Variants in SPDYE14 observed in about 807,000 individuals in gnomAD.
The protein encoded by SPDYE14 is speedy protein E14.
At chr7:75,258,353 GT>G in the SPDYE14 span, among the ~76,000 whole-genome samples, 1 of 59,588 alleles carries the variant, frequency 1.7e-5, no homozygotes, top group Non-Finnish European at 4.0e-5. Flanking sequence ...GTGTCCAAGT[GT>G]TTTCATTGTT....
chr7:75,237,827 C>T, the SPDYE14 span: 1 of 108,880 alleles, frequency 9.2e-6, no homozygotes, highest in Non-Finnish European at 2.2e-5. Flanking sequence ...GCTGTTGCTG[C>T]CGCGGGGGCT....
At chr7:75,268,872 A>G in the SPDYE14 span, among the ~76,000 whole-genome samples, 1 of 24,594 alleles carries the variant, frequency 4.1e-5, no homozygotes, top group African/African-American at 8.8e-5. Flanking sequence ...AGAGAGAGAG[A>G]GAGAGAGAGA....
chr7:75,258,315 G>C, the SPDYE14 span, among the ~76,000 whole-genome samples: 1 of 60,430 alleles, frequency 1.7e-5, no homozygotes, highest in African/African-American at 4.4e-5. Flanking sequence ...CCGCACAACA[G>C]GCCCTGGTGT....
the SPDYE14 span, among the ~76,000 whole-genome samples, chr7:75,247,505 G>A: frequency 8.4e-6 from 1 of 119,056 alleles, no homozygotes. Flanking sequence ...AAGAAAGAAA[G>A]AGGAAAGAAA....
At chr7:75,256,818 GAA>G in the SPDYE14 span, among the ~76,000 whole-genome samples, 23 of 11,834 alleles carry the variant, frequency 1.9e-3, 4 homozygotes, top group African/African-American at 4.3e-3. Context: ...CTATCTCAAA[GAA>G]AAAAAAAAAA....
the SPDYE14 span, among the ~76,000 whole-genome samples, chr7:75,268,845 CAGAGAGAG>C: frequency 4.6e-3 from 44 of 9,610 alleles, 9 homozygotes; most frequent in Non-Finnish European, 8.1e-3. Flanking sequence ...GCACTCCAGC[CAGAGAGAG>C]AGAGAGAGAG....
the SPDYE14 span, among the ~76,000 whole-genome samples, chr7:75,239,309 T>C: frequency 1.2e-4 from 3 of 24,160 alleles, 1 homozygote; most frequent in Non-Finnish European, 2.8e-4. Context: ...TTTTTTTTTT[T>C]TTTTTTTTTT....
At chr7:75,278,464 C>T in the SPDYE14 span, among the ~76,000 whole-genome samples, 13 of 23,742 alleles carry the variant, frequency 5.5e-4, 5 homozygotes, top group Admixed American at 5.9e-3. Flanking sequence ...GCCTGTAATC[C>T]CAGCTACTCG....
chr7:75,272,885 C>CA, the SPDYE14 span, among the ~76,000 whole-genome samples: 9,892 of 24,096 alleles, frequency 0.41, 3,632 homozygotes, highest in Middle Eastern at 0.72. Context: ...AACTGTGTCT[C>CA]AAAAAAAAAA....
the SPDYE14 span, among the ~76,000 whole-genome samples, chr7:75,254,253 G>A: frequency 2.2e-5 from 1 of 45,116 alleles, no homozygotes; most frequent in African/African-American, 5.6e-5. Context: ...ACACAAATTA[G>A]GCCCATGGTC....
the SPDYE14 span, among the ~76,000 whole-genome samples, chr7:75,268,879 G>A: frequency 7.6e-5 from 2 of 26,270 alleles, no homozygotes; most frequent in African/African-American, 1.6e-4. Flanking sequence ...GAGAGAGAGA[G>A]AGAGAGAGAG....
the SPDYE14 span, among the ~76,000 whole-genome samples, chr7:75,245,428 G>GAAA: frequency 8.9e-5 from 6 of 67,756 alleles, no homozygotes; most frequent in Non-Finnish European, 1.5e-4. Context: ...ATGTCTCAAA[G>GAAA]AAAAAAAAAA....
the SPDYE14 span, among the ~76,000 whole-genome samples, chr7:75,268,867 GA>G: frequency 4.3e-5 from 1 of 23,206 alleles, no homozygotes; most frequent in Non-Finnish European, 1.3e-4. Context: ...GAGAGAGAGA[GA>G]GAGAGAGAGA....
the SPDYE14 span, among the ~76,000 whole-genome samples, chr7:75,249,578 T>TTTCC: frequency 0.011 from 653 of 60,290 alleles, 31 homozygotes; most frequent in African/African-American, 0.018. Flanking sequence ...TCCTTCCTTC[T>TTTCC]TTCCTTCCTT....
chr7:75,273,459 C>A, the SPDYE14 span, among the ~76,000 whole-genome samples: 15 of 59,066 alleles, frequency 2.5e-4, 7 homozygotes, highest in East Asian at 0.019. Flanking sequence ...TGGCTTGAAC[C>A]CAGGAGATGG....
the SPDYE14 span, among the ~76,000 whole-genome samples, chr7:75,263,869 CAATA>C: frequency 1.7e-4 from 2 of 11,894 alleles, no homozygotes; most frequent in African/African-American, 1.7e-4. Flanking sequence ...GACTTGGTCT[CAATA>C]AATAAATAAA....
At chr7:75,279,179 A>AC in the SPDYE14 span, among the ~76,000 whole-genome samples, 1 of 88,222 alleles carries the variant, frequency 1.1e-5, no homozygotes, top group African/African-American at 6.5e-5. Flanking sequence ...TGTTCTAGAG[A>AC]GGTGTGTGTG....
the SPDYE14 span, among the ~76,000 whole-genome samples, chr7:75,278,872 G>A: frequency 2.1e-5 from 1 of 47,638 alleles, no homozygotes; most frequent in Non-Finnish European, 4.2e-5. Flanking sequence ...AACCCGGGAG[G>A]CGGAGGTTGC....
At chr7:75,278,507 G>A in the SPDYE14 span, among the ~76,000 whole-genome samples, 1 of 23,148 alleles carries the variant, frequency 4.3e-5, no homozygotes, top group African/African-American at 8.5e-5. Context: ...CTTGAACCTG[G>A]GAGGCGGAGG....
Sources: gnomAD v4.1 joint callset for allele counts (sites outside exome capture counted in the v4.1 genomes callset) on GRCh38, gnomAD v4.1.1 for gene constraint, MANE v1.5 for transcripts, NCBI Gene and HGNC (gene_info 2026-07-23, HGNC 2026-07-21) for gene names.